FNBP1: variants seen among roughly 807,000 people sequenced by gnomAD.
FNBP1 encodes formin-binding protein 1.
In FNBP1, 26 loss-of-function variants were observed where a neutral mutation model predicts 90.6. That is an observed-to-expected ratio of 0.29 (90% CI 0.21 to 0.40). The LOEUF (loss-of-function observed/expected upper bound fraction) is 0.40. FNBP1 is among the 10% of genes least tolerant of loss of function. FNBP1 has a pLI of 1.00. For missense variants in FNBP1, 635 were observed against 768.0 expected (o/e 0.83, Z 2.05); for synonymous variants, 260 against 265.2 (o/e 0.98, Z 0.19).
chr9:129,987,539 T>C (rs1055016763), intron 2 of FNBP1, among the ~76,000 whole-genome samples: 23 of 152,014 alleles, frequency 1.5e-4, no homozygotes, highest in African/African-American at 5.3e-4. Context: ...TGATAAATTT[T>C]ACCAAAGTTT....
intron 11 of FNBP1, among the ~76,000 whole-genome samples, chr9:129,910,010 C>A (rs76629631): frequency 0.088 from 13,468 of 152,272 alleles, 640 homozygotes; most frequent in South Asian, 0.1. Context: ...GTCAGAAGAA[C>A]TGCATTTTGA....
At chr9:129,985,203 A>G (rs941479512) in intron 2 of FNBP1, among the ~76,000 whole-genome samples, 1 of 152,138 alleles carries the variant, frequency 6.6e-6, no homozygotes, top group Non-Finnish European at 1.5e-5. Context: ...CCAGAAATGG[A>G]ACGAAGTGTG....
chr9:129,919,115 G>T, intron 10 of FNBP1: 1 of 855,890 alleles, frequency 1.2e-6, no homozygotes. Context: ...GGGGTTAGTG[G>T]CTGTGCCATG....
chr9:129,888,144 C>T lies in FNBP1; in HGVS notation c.*2395G>A. The T allele has an allele frequency of 4.3e-6, 1 of 232,912 alleles. No individual in the cohort carries two copies. Among genetic ancestry groups the T allele is most frequent in the East Asian group, 6.1e-5 (1 of 16,528 alleles). The allele number at this position is 232,912 out of a possible 1,614,324, so 14.4% of individuals were successfully genotyped here. A position where few individuals can be genotyped will look rare whatever the true frequency, so the allele number is the denominator to read the frequency against. On this transcript the variant is annotated 3_prime_UTR_variant, in exon 17 of 17. Transcript: ENST00000446176. ...GAGTGACGGGGGGATACAAGCATAT[C>T]CTATACTGGGGGTGACGGTCATTCA...
intron 6 of FNBP1, among the ~76,000 whole-genome samples, chr9:129,954,623 A>G (rs1191156553): frequency 6.6e-6 from 1 of 152,246 alleles, no homozygotes; most frequent in African/African-American, 2.4e-5. Context: ...ATTTAATGAT[A>G]TTCAATAATA....
chr9:130,007,466 G>GA (rs1464852592), intron 1 of FNBP1, among the ~76,000 whole-genome samples: 1 of 152,040 alleles, frequency 6.6e-6, no homozygotes, highest in East Asian at 1.9e-4. Flanking sequence ...AGAGAAAGGG[G>GA]AAAATCACAA....
intron 12 of FNBP1, among the ~76,000 whole-genome samples, chr9:129,904,862 C>T (rs997784746): frequency 2.6e-5 from 4 of 151,982 alleles, no homozygotes; most frequent in East Asian, 1.9e-4. Context: ...TCCCAAGTGT[C>T]GAAGCCATCC....
At chr9:129,914,991 T>A in intron 11 of FNBP1, 1 of 373,492 alleles carries the variant, frequency 2.7e-6, no homozygotes. Flanking sequence ...ATAAATTTAA[T>A]GATTAGTTTG....
chr9:130,016,561 T>A (rs1217256785), intron 1 of FNBP1, among the ~76,000 whole-genome samples: 1 of 152,090 alleles, frequency 6.6e-6, no homozygotes, highest in Non-Finnish European at 1.5e-5. Context: ...CTGACCAACA[T>A]GGAGAAACCC....
chr9:129,929,602 C>T lies in FNBP1; in HGVS notation c.607G>A (p.Glu203Lys). The change falls in exon 7 of 17, where the codon GAA becomes AAA. Residue 203 changes from glutamate (E) to lysine (K), a missense_variant. By Grantham distance (56) the Glu-to-Lys change is moderately conservative. Coordinates refer to ENST00000446176, the MANE Select transcript of FNBP1 (RefSeq NM_015033.3). ...TTGGGGATGTGAGTATGGTAATATTCATGCTGCTCATGGTTGAATTTCTGG... is the reference window on the plus strand; with the variant it reads ...TTGGGGATGTGAGTATGGTAATATTTATGCTGCTCATGGTTGAATTTCTGG... Reference protein sequence around the residue: ...ILQKFNHEQHEYYHTHIPNIF... With the variant: ...ILQKFNHEQHKYYHTHIPNIF... 6.2e-7 allele frequency: 1 copy of T among 1,613,756 alleles called. No homozygotes were observed. The highest frequency in any genetic ancestry group is 8.5e-7 in the Non-Finnish European group (1 of 1,179,694).
rs2036658369 is a variant in FNBP1 at position 129,900,287 on chromosome 9, A to C, written c.1550+139T>G. 7 of 1,130,282 alleles carry C rather than the reference A, an allele frequency of 6.2e-6. No individual in the cohort carries two copies. Among genetic ancestry groups the C allele is most frequent in the Non-Finnish European group, 8.5e-6 (7 of 828,374 alleles). 70.0% of individuals were successfully genotyped at this position (1,130,282 alleles called of 1,614,324 possible). On this transcript the variant is annotated intron_variant, in intron 14 of 16. Coordinates refer to ENST00000446176, the MANE Select transcript of FNBP1 (RefSeq NM_015033.3). This position sits in a 1 kb window ranked among gnomAD's most constrained non-coding sequence, Gnocchi z 4.1. ...GTGGAATTATAAATCTGCATCATGG[A>C]AAAAGTGACAGGTCAATCGCAACAG...
At chr9:129,926,065 G>C (rs552187607) in intron 8 of FNBP1, among the ~76,000 whole-genome samples, 1 of 151,204 alleles carries the variant, frequency 6.6e-6, no homozygotes, top group South Asian at 2.1e-4. Flanking sequence ...CCTGCCTCCT[G>C]AGTTCCAGCA....
Position 129,900,414 on chromosome 9 carries a change from C to A in FNBP1, c.1550+12G>T. 1 of 1,559,346 alleles carries A rather than the reference C, an allele frequency of 6.4e-7. No individual in the cohort carries two copies. Among genetic ancestry groups the A allele is most frequent in the Non-Finnish European group, 8.6e-7 (1 of 1,156,964 alleles). On this transcript the variant is annotated intron_variant, in intron 14 of 16. Coordinates refer to ENST00000446176, the MANE Select transcript of FNBP1 (RefSeq NM_015033.3). The surrounding 1 kb of genome is among the most constrained non-coding windows in gnomAD (Gnocchi z 4.1). ...TCCCTTGCCAGAGGCAGGCGCTGTG[C>A]AGATACTGTACCTCTCACGGTCCTG...
At chr9:130,052,689 C>T in the FNBP1 span, among the ~76,000 whole-genome samples, 8 of 152,058 alleles carry the variant, frequency 5.3e-5, no homozygotes, top group African/African-American at 9.7e-5. Flanking sequence ...CCCGCCTCGG[C>T]GTTCCAAAGT....
At chr9:129,978,694 T>C (rs2050729963) in intron 3 of FNBP1, 82 bp from the exon 4 acceptor site, 2 of 1,422,206 alleles carry the variant, frequency 1.4e-6, no homozygotes, top group Admixed American at 2.1e-5. Flanking sequence ...AAAATATTAA[T>C]TAAAATCAGG....
intron 6 of FNBP1, among the ~76,000 whole-genome samples, chr9:129,953,154 C>T (rs969203076): frequency 6.6e-6 from 1 of 152,192 alleles, no homozygotes; most frequent in African/African-American, 2.4e-5. Flanking sequence ...AGAGAAGACT[C>T]AAACTCATAC....
rs890490272 is a variant in FNBP1, at chr9:129,931,626, TAATA to T, written c.514-1935_514-1932del. ...GTCTCAAAAAATAATAATAATAAAATAATAAATAAATAAATAAATAAATTAGTTG... is the reference window on the plus strand; with the variant it reads ...GTCTCAAAAAATAATAATAATAAAATAATAAATAAATAAATAAATTAGTTG... On this transcript the variant is annotated intron_variant, in intron 6 of 16. Coordinates refer to ENST00000446176, the MANE Select transcript of FNBP1 (RefSeq NM_015033.3). 6.7e-5 allele frequency among the ~76,000 whole-genome samples: 10 copies of T among 149,948 alleles called. No individual in the cohort carries two copies. In the East Asian group the frequency reaches 7.9e-4, roughly 12 times the overall value.
intron 4 of FNBP1, among the ~76,000 whole-genome samples, chr9:129,974,687 T>A (rs1359633598): frequency 6.6e-6 from 1 of 151,038 alleles, no homozygotes; most frequent in Non-Finnish European, 1.5e-5. Context: ...CAGCAAGACC[T>A]TGTCTCTACA....
the FNBP1 span, among the ~76,000 whole-genome samples, chr9:130,049,020 C>T: frequency 6.6e-6 from 1 of 151,962 alleles, no homozygotes; most frequent in Admixed American, 6.6e-5. Context: ...ACCTCGTGAT[C>T]CGCCCGCCTC....
Sources: gnomAD v4.1 joint callset for allele counts (sites outside exome capture counted in the v4.1 genomes callset) on GRCh38, gnomAD v4.1.1 for gene constraint, Gnocchi (gnomAD v3.1) non-coding constraint, MANE v1.5 for transcripts, NCBI Gene and HGNC (gene_info 2026-07-23, HGNC 2026-07-21) for gene names.